The following SPATA17 variants were observed in gnomAD, a reference collection of about 807,000 sequenced individuals.
SPATA17 encodes spermatogenesis-associated protein 17.
SPATA17 carries 53 observed loss-of-function variants against 62.2 expected under a neutral mutation model. That is an observed-to-expected ratio of 0.85 (90% CI 0.68 to 1.07). The LOEUF (loss-of-function observed/expected upper bound fraction) is 1.07. Ranked by LOEUF, SPATA17 falls within the 50% of genes least tolerant of loss-of-function variation. The probability of loss-of-function intolerance (pLI) is 0.00; values close to 1 mark genes in which losing one functional copy is unlikely to be tolerated. For synonymous variants in SPATA17, 146 were observed against 146.8 expected (o/e 0.99, Z 0.04); for missense variants, 466 against 425.5 (o/e 1.10, Z -0.84).
At chr1:217,860,890 AT>A (rs1049259563) in intron 9 of SPATA17, among the ~76,000 whole-genome samples, 11 of 151,886 alleles carry the variant, frequency 7.2e-5, no homozygotes, top group African/African-American at 1.9e-4. Flanking sequence ...TCATTTTCTT[AT>A]TTGTTTTGCT....
rs750026029 is a variant in SPATA17, at chr1:217,862,798, T to C, written c.1030T>C (p.Phe344Leu). The change falls in exon 10 of 11, where the codon TTT becomes CTT. Residue 344 changes from phenylalanine (F) to leucine (L), a missense_variant. Phe to Leu is a conservative substitution (Grantham distance 22). Coordinates refer to ENST00000366933, the MANE Select transcript of SPATA17 (RefSeq NM_138796.4). ...GGATTTCCAGACTGTATTACCATCA[T>C]TTGAGCTCTTCTCAAAGTATGGAAA... ...DKDFQTVLPS[F>L]ELFSKYGKLY... is the part of the protein sequence containing the mutation. The C allele has an allele frequency of 1.2e-6, 2 of 1,610,894 alleles. No homozygotes were observed. Among genetic ancestry groups the C allele is most frequent in the Non-Finnish European group, 1.7e-6 (2 of 1,178,222 alleles).
intron 9 of SPATA17, among the ~76,000 whole-genome samples, chr1:217,842,790 T>G (rs1193683231): frequency 2.6e-5 from 4 of 152,020 alleles, no homozygotes; most frequent in Admixed American, 6.6e-5. Flanking sequence ...CTTCAATTTT[T>G]GGGGTTTAAT....
chr1:217,636,223 G>T (rs1208836806), intron 1 of SPATA17, among the ~76,000 whole-genome samples: 3 of 150,868 alleles, frequency 2.0e-5, no homozygotes, highest in African/African-American at 7.3e-5. Context: ...AGTAACCTTT[G>T]ACTTTCAATG....
At chr1:217,763,167 GA>G (rs1430266415) in intron 6 of SPATA17, among the ~76,000 whole-genome samples, 1 of 152,140 alleles carries the variant, frequency 6.6e-6, no homozygotes, top group Non-Finnish European at 1.5e-5. Flanking sequence ...TGTCCTTTTG[GA>G]AAGTAAACTG....
chr1:217,703,280 C>T lies in SPATA17; in HGVS notation c.395+19919C>T, dbSNP rs550480993. 2.6e-5 allele frequency among the ~76,000 whole-genome samples: 4 copies of T among 151,086 alleles called. No homozygotes were observed. The East Asian group carries it at 7.8e-4, about 30-fold the overall frequency. On this transcript the variant is annotated intron_variant, in intron 5 of 10. Coordinates refer to ENST00000366933, the MANE Select transcript of SPATA17 (RefSeq NM_138796.4). ...CTAACCCCCAGGTTCAATCAATTCT[C>T]CCTGCCTCAGCCTCCCGAGTAATGG... is the stretch of plus-strand genomic sequence containing the variant.
At chr1:217,840,897 T>C (rs1675379465) in intron 9 of SPATA17, among the ~76,000 whole-genome samples, 1 of 151,822 alleles carries the variant, frequency 6.6e-6, no homozygotes, top group Non-Finnish European at 1.5e-5. Context: ...ATAGTAACAA[T>C]AATTTAGCTC....
intron 9 of SPATA17, among the ~76,000 whole-genome samples, chr1:217,822,957 T>G (rs1158982765): frequency 1.3e-5 from 2 of 151,878 alleles, no homozygotes; most frequent in Non-Finnish European, 2.9e-5. Context: ...AATTTTAAAG[T>G]TTTTCCATCA....
chr1:217,817,949 G>A (rs1048795179), intron 9 of SPATA17, among the ~76,000 whole-genome samples: 17 of 151,918 alleles, frequency 1.1e-4, no homozygotes, highest in East Asian at 1.9e-4. Flanking sequence ...AGCATTTCTG[G>A]TACAGTCCCC....
rs1023402058 is a variant in SPATA17, at chr1:217,869,775, A to G, written c.*2756A>G. On this transcript the variant is annotated 3_prime_UTR_variant, in exon 11 of 11. Transcript: ENST00000366933. ...TGCCCCACCCCCACCCCCACATCCT[A>G]TAATGGCCTGAACTAGTTTTTCAGG... The G allele has an allele frequency of 2.0e-5, 3 of 151,470 alleles. No homozygotes were observed. The highest frequency in any genetic ancestry group is 6.6e-5 in the Admixed American group (1 of 15,200). The allele number at this position is 151,470 out of a possible 1,614,324, so 9.4% of individuals were successfully genotyped here.
At chr1:217,672,683 T>C (rs1670858307) in intron 4 of SPATA17, among the ~76,000 whole-genome samples, 1 of 152,194 alleles carries the variant, frequency 6.6e-6, no homozygotes, top group African/African-American at 2.4e-5. Context: ...TATTTATTAA[T>C]ATCCTGATTT....
At chr1:217,820,239 A>G (rs1183387361) in intron 9 of SPATA17, among the ~76,000 whole-genome samples, 2 of 152,024 alleles carry the variant, frequency 1.3e-5, no homozygotes, top group Non-Finnish European at 2.9e-5. Context: ...AGGCTAGGAG[A>G]GTTAAAAGGT....
intron 9 of SPATA17, among the ~76,000 whole-genome samples, chr1:217,813,823 TA>T (rs1019921982): frequency 1.3e-5 from 2 of 152,056 alleles, no homozygotes; most frequent in African/African-American, 4.8e-5. Context: ...CATATATTTA[TA>T]TATGTATATG....
At position 217,726,698 on chromosome 1, in the gene SPATA17, T is replaced by G. The variant is rs189878983; in HGVS notation, c.396-15277T>G. 1.3e-3 allele frequency among the ~76,000 whole-genome samples: 201 copies of G among 150,116 alleles called. 2 individuals are homozygous for G. The highest frequency in any genetic ancestry group is 4.8e-3 in the African/African-American group (193 of 40,364). On this transcript the variant is annotated intron_variant, in intron 5 of 10. Transcript: ENST00000366933. Reference sequence around the variant, plus strand: ...CTTGTTTTCATGCGTATTTCCCTTGTTTTCCCATATTTTTGTGTGTTTTTT... The same window carrying G: ...CTTGTTTTCATGCGTATTTCCCTTGGTTTCCCATATTTTTGTGTGTTTTTT...
intron 5 of SPATA17, among the ~76,000 whole-genome samples, chr1:217,741,245 A>G (rs1672619303): frequency 6.6e-6 from 1 of 152,162 alleles, no homozygotes; most frequent in Admixed American, 6.5e-5. Flanking sequence ...TTGATATCAT[A>G]ATCTGTTTAG....
intron 5 of SPATA17, among the ~76,000 whole-genome samples, chr1:217,722,496 C>T (rs1672156225): frequency 6.6e-6 from 1 of 151,912 alleles, no homozygotes; most frequent in Non-Finnish European, 1.5e-5. Context: ...AAACATTTTA[C>T]AAGTAAAATA....
intron 9 of SPATA17, among the ~76,000 whole-genome samples, chr1:217,809,957 A>T (rs552268986): frequency 6.6e-6 from 1 of 152,226 alleles, no homozygotes; most frequent in Non-Finnish European, 1.5e-5. Flanking sequence ...TCTTTGACAT[A>T]AACATTTGTT....
At chr1:217,725,497 C>T (rs1465542940) in intron 5 of SPATA17, among the ~76,000 whole-genome samples, 2 of 152,090 alleles carry the variant, frequency 1.3e-5, no homozygotes, top group East Asian at 3.9e-4. Flanking sequence ...GAGTCTTGCT[C>T]TGTCACTCAG....
chr1:217,755,083 A>G (rs1242274164), intron 6 of SPATA17, among the ~76,000 whole-genome samples: 2 of 152,130 alleles, frequency 1.3e-5, no homozygotes, highest in African/African-American at 4.8e-5. Context: ...TTTAAAATAC[A>G]CAGAAAGTTT....
At chr1:217,761,524 T>C (rs944304971) in intron 6 of SPATA17, among the ~76,000 whole-genome samples, 7 of 152,124 alleles carry the variant, frequency 4.6e-5, no homozygotes, top group Admixed American at 4.6e-4. Context: ...TACCTAATTA[T>C]TCATAAACTT....
Sources: allele counts gnomAD v4.1 joint callset (sites outside exome capture counted in the v4.1 genomes callset), GRCh38; gene constraint gnomAD v4.1.1; transcripts MANE v1.5; gene names NCBI Gene and HGNC (gene_info 2026-07-23, HGNC 2026-07-21).